Variants in KSR2 observed in about 807,000 individuals in gnomAD.
The protein encoded by KSR2 is kinase suppressor of ras 2.
A neutral mutation model predicts 107.8 loss-of-function variants in KSR2; 25 were observed. The observed-to-expected ratio is 0.23, with a 90% confidence interval of 0.17 to 0.32. The LOEUF (loss-of-function observed/expected upper bound fraction) is 0.32. KSR2 is among the 10% of genes least tolerant of loss of function. The probability of loss-of-function intolerance (pLI) is 1.00; values close to 1 mark genes in which losing one functional copy is unlikely to be tolerated. For missense variants in KSR2, 887 were observed against 1,268.9 expected, an observed-to-expected ratio of 0.70 and a Z score of 4.57; for synonymous variants, 480 against 507.0, an observed-to-expected ratio of 0.95 and a Z score of 0.71.
intron 5 of KSR2, among the ~76,000 whole-genome samples, chr12:117,665,469 C>T (rs974414716): frequency 7.2e-5 from 11 of 152,090 alleles, no homozygotes; most frequent in African/African-American, 2.2e-4. Flanking sequence ...CATAGGATGG[C>T]GATGACCAAG....
intron 7 of KSR2, among the ~76,000 whole-genome samples, chr12:117,566,981 G>C (rs1326591469): frequency 6.6e-6 from 1 of 152,156 alleles, no homozygotes; most frequent in Admixed American, 6.5e-5. Flanking sequence ...TCCCTACTGA[G>C]ATCTACTCAA....
intron 4 of KSR2, among the ~76,000 whole-genome samples, chr12:117,749,558 C>G (rs1418351204): frequency 6.6e-6 from 1 of 151,986 alleles, no homozygotes; most frequent in African/African-American, 2.4e-5. Context: ...ACTCTGTTAC[C>G]CAACCCACAG....
rs548971268 is a variant in KSR2 at position 117,761,431 on chromosome 12, G to A, written c.566C>T (p.Pro189Leu). 1.7e-5 allele frequency: 27 copies of A among 1,612,588 alleles called. No homozygotes were observed. The East Asian group carries it at 5.4e-4, about 32-fold the overall frequency. The change falls in exon 4 of 20, where the codon CCG becomes CTG. Residue 189 changes from proline (P) to leucine (L), a missense_variant. Coordinates refer to ENST00000339824, the MANE Select transcript of KSR2 (RefSeq NM_173598.6). ...CTGGGAGAGATGGGTGCGGATCCAC[G>A]GGGTGGGCTCCGGGGGGCACACGGG... is the stretch of plus-strand genomic sequence containing the variant. ...NNPVCPPEPT[P>L]WIRTHLSQSP...
chr12:117,778,280 G>A (rs1410357303), intron 3 of KSR2, among the ~76,000 whole-genome samples: 1 of 151,960 alleles, frequency 6.6e-6, no homozygotes, highest in Non-Finnish European at 1.5e-5. Context: ...TAGTAGAGAT[G>A]GGGTTTCACC....
At chr12:117,606,012 C>T (rs1174568532) in intron 5 of KSR2, among the ~76,000 whole-genome samples, 1 of 152,014 alleles carries the variant, frequency 6.6e-6, no homozygotes. Context: ...GAAGATTCAC[C>T]CATAAAAGGA....
At chr12:117,508,238 G>A (rs1448164291) in intron 14 of KSR2, among the ~76,000 whole-genome samples, 1 of 152,140 alleles carries the variant, frequency 6.6e-6, no homozygotes, top group Non-Finnish European at 1.5e-5. Flanking sequence ...CTCTAAACAC[G>A]TGATACCAGA....
chr12:117,548,447 A>C (rs906580946), intron 9 of KSR2, among the ~76,000 whole-genome samples: 4 of 152,198 alleles, frequency 2.6e-5, no homozygotes, highest in Admixed American at 1.3e-4. Flanking sequence ...TAATTTTCTT[A>C]ATAACATTTT....
At chr12:117,750,719 CA>C (rs35352553) in intron 4 of KSR2, among the ~76,000 whole-genome samples, 114,357 of 152,052 alleles carry the variant, frequency 0.75, 43,191 homozygotes, top group East Asian at 0.85. Context: ...CATGTGTACA[CA>C]AATGTGTAGC....
chr12:117,506,609 T>G (rs1873695028), intron 14 of KSR2, among the ~76,000 whole-genome samples: 1 of 152,158 alleles, frequency 6.6e-6, no homozygotes, highest in Non-Finnish European at 1.5e-5. Context: ...CACACCTTTT[T>G]AGAGAATAAA....
chr12:117,857,042 G>T (rs116047449), intron 2 of KSR2, among the ~76,000 whole-genome samples: 1 of 151,986 alleles, frequency 6.6e-6, no homozygotes, highest in Admixed American at 6.6e-5. Flanking sequence ...GATGACCACG[G>T]ATCTGTTTAT....
At chr12:117,507,536 G>C (rs1419443247) in intron 14 of KSR2, among the ~76,000 whole-genome samples, 4 of 152,162 alleles carry the variant, frequency 2.6e-5, no homozygotes, top group Non-Finnish European at 5.9e-5. Context: ...ACTCCTTAGA[G>C]ACCATTTTGA....
chr12:117,641,088 G>GT (rs1254300234), intron 5 of KSR2, among the ~76,000 whole-genome samples: 3 of 151,952 alleles, frequency 2.0e-5, no homozygotes, highest in African/African-American at 7.3e-5. Context: ...AAGCTGTAAG[G>GT]TTTTTTTGTT....
chr12:117,655,090 A>G (rs1007926220), intron 5 of KSR2, among the ~76,000 whole-genome samples: 3 of 152,168 alleles, frequency 2.0e-5, no homozygotes, highest in African/African-American at 7.2e-5. Flanking sequence ...TGGCAGGTTG[A>G]TTATATTGGA....
intron 5 of KSR2, among the ~76,000 whole-genome samples, chr12:117,619,317 C>T (rs954467154): frequency 2.6e-5 from 4 of 151,774 alleles, no homozygotes; most frequent in South Asian, 2.1e-4. Context: ...CCCAGTAACT[C>T]ATCATTTAAC....
At chr12:117,918,424 C>T (rs934765699) in intron 1 of KSR2, among the ~76,000 whole-genome samples, 2 of 152,192 alleles carry the variant, frequency 1.3e-5, no homozygotes, top group African/African-American at 2.4e-5. Flanking sequence ...TTCCTTGCCC[C>T]TATCACCTGC....
intron 3 of KSR2, among the ~76,000 whole-genome samples, chr12:117,839,477 C>T (rs1384283550): frequency 6.6e-6 from 1 of 152,124 alleles, no homozygotes; most frequent in Non-Finnish European, 1.5e-5. Flanking sequence ...GGATATCTGA[C>T]GATTAAGTGA....
chr12:117,592,783 T>C (rs1233922802), intron 5 of KSR2, among the ~76,000 whole-genome samples: 1 of 151,626 alleles, frequency 6.6e-6, no homozygotes, highest in Non-Finnish European at 1.5e-5. Flanking sequence ...GGATGATGGA[T>C]GGAGAATCTA....
chr12:117,638,372 G>C (rs1883204221), intron 5 of KSR2, among the ~76,000 whole-genome samples: 1 of 152,140 alleles, frequency 6.6e-6, no homozygotes, highest in South Asian at 2.1e-4. Flanking sequence ...ATGGGCCCTG[G>C]ATGAGCAGGC....
At chr12:117,911,105 A>G (rs1213766153) in intron 1 of KSR2, among the ~76,000 whole-genome samples, 1 of 151,866 alleles carries the variant, frequency 6.6e-6, no homozygotes. Context: ...ATGGTAGATC[A>G]TTTTACTGTT....
Sources: gnomAD v4.1 joint callset for allele counts (sites outside exome capture counted in the v4.1 genomes callset) on GRCh38, gnomAD v4.1.1 for gene constraint, MANE v1.5 for transcripts, NCBI Gene and HGNC (gene_info 2026-07-23, HGNC 2026-07-21) for gene names.